Variants in IL15 observed in about 807,000 individuals in gnomAD.
IL15 encodes the protein interleukin-15.
A neutral mutation model predicts 19.6 loss-of-function variants in IL15; 11 were observed. The observed-to-expected ratio is 0.56, with a 90% CI of 0.35 to 0.93. The LOEUF (loss-of-function observed/expected upper bound fraction) is 0.93. Ranked by LOEUF, IL15 falls within the 40% of genes least tolerant of loss-of-function variation. The pLI is 0.01. For synonymous variants in IL15, 58 were observed against 59.6 expected (o/e 0.97, Z 0.12); for missense variants, 197 against 186.5 (o/e 1.06, Z -0.33).
chr4:141,717,164 G>A (rs1320345168), intron 2 of IL15: 4 of 152,152 alleles, frequency 2.6e-5, no homozygotes, highest in African/African-American at 4.8e-5. Context: ...TGACTTTTGA[G>A]CCTACTAGGA....
Position 141,691,207 on chromosome 4 carries a change from A to G in IL15, c.-99-28159A>G, listed in dbSNP as rs549219670. Among the ~76,000 whole-genome samples, 26 of 59,816 alleles carry G rather than the reference A, an allele frequency of 4.3e-4. 1 individual carries two copies. The South Asian group carries it at 0.011, about 26-fold the overall frequency. 39.2% of individuals were successfully genotyped at this position (59,816 alleles called of 152,430 possible). ...CATATCTCATGAGAATTCCATCACTATCATGAGAACAGCATGGGGGAAATT... is the reference window on the plus strand; with the variant it reads ...CATATCTCATGAGAATTCCATCACTGTCATGAGAACAGCATGGGGGAAATT... On this transcript the variant is annotated intron_variant, in intron 2 of 7. Coordinates refer to ENST00000320650, the MANE Select transcript of IL15 (RefSeq NM_000585.5).
chr4:141,657,768 G>A (rs1188549465), intron 2 of IL15, among the ~76,000 whole-genome samples: 2 of 152,044 alleles, frequency 1.3e-5, no homozygotes, highest in African/African-American at 2.4e-5. Flanking sequence ...TGATGTCAAT[G>A]CCCTCTTCTG....
At chr4:141,671,560 A>G (rs548438276) in intron 2 of IL15, among the ~76,000 whole-genome samples, 59 of 152,084 alleles carry the variant, frequency 3.9e-4, no homozygotes, top group Non-Finnish European at 6.5e-4. Flanking sequence ...CTCATTCGAT[A>G]TCTCCTCACT....
At chr4:141,701,948 C>G (rs776085149) in intron 2 of IL15, among the ~76,000 whole-genome samples, 1 of 152,186 alleles carries the variant, frequency 6.6e-6, no homozygotes, top group South Asian at 2.1e-4. Flanking sequence ...AGTACTCCCC[C>G]TGTTGGGCTG....
At chr4:141,700,036 A>T (rs913880708) in intron 2 of IL15, among the ~76,000 whole-genome samples, 2 of 152,062 alleles carry the variant, frequency 1.3e-5, no homozygotes, top group African/African-American at 4.8e-5. Flanking sequence ...CTCCTGCCTC[A>T]GTCTCCTGAG....
chr4:141,673,286 A>G (rs532488071), intron 2 of IL15, among the ~76,000 whole-genome samples: 1 of 152,352 alleles, frequency 6.6e-6, no homozygotes, highest in South Asian at 2.1e-4. Context: ...ACAATGACCT[A>G]TCTTTTCATT....
chr4:141,640,581 CA>C (rs111358159), intron 1 of IL15, among the ~76,000 whole-genome samples: 1,546 of 145,910 alleles, frequency 0.011, 25 homozygotes, highest in African/African-American at 0.036. Context: ...TTTAAACAAA[CA>C]AAAAAAAAAG....
chr4:141,707,915 G>A (rs1208910127), intron 2 of IL15, among the ~76,000 whole-genome samples: 1 of 152,200 alleles, frequency 6.6e-6, no homozygotes, highest in African/African-American at 2.4e-5. Flanking sequence ...CAGTGAGGCA[G>A]GGCAGCCACC....
chr4:141,703,340 A>G (rs1451666563), intron 2 of IL15, among the ~76,000 whole-genome samples: 2 of 152,018 alleles, frequency 1.3e-5, no homozygotes, highest in African/African-American at 4.8e-5. Flanking sequence ...AGCTTCTTTT[A>G]CCCTGTGACC....
chr4:141,720,453 T>C lies in IL15; in HGVS notation c.13-16T>C, dbSNP rs771725599. ...ACTAAAAAATTTAACCATTTGTCTA[T>C]GATTATATTTTTCAGAAACCACATT... On this transcript the variant is annotated splice_polypyrimidine_tract_variant and intron_variant, in intron 3 of 7. Transcript: ENST00000320650. 1 of 1,326,368 alleles carries C rather than the reference T, an allele frequency of 7.5e-7. No individual in the cohort carries two copies. The highest frequency in any genetic ancestry group is 1.1e-6 in the Non-Finnish European group (1 of 922,824). 82.2% of individuals were successfully genotyped at this position (1,326,368 alleles called of 1,614,324 possible).
intron 2 of IL15, among the ~76,000 whole-genome samples, chr4:141,695,309 A>C (rs1729057131): frequency 3.5e-5 from 4 of 113,754 alleles, no homozygotes; most frequent in Non-Finnish European, 5.1e-5. Context: ...TTAAGATTCC[A>C]CATATGAGTG....
intron 2 of IL15, among the ~76,000 whole-genome samples, chr4:141,668,252 C>T (rs1728056726): frequency 6.6e-6 from 1 of 152,200 alleles, no homozygotes; most frequent in Non-Finnish European, 1.5e-5. Context: ...TTGAGAGAGA[C>T]ACTGCAGCTC....
chr4:141,686,229 T>C (rs1036449411), intron 2 of IL15, among the ~76,000 whole-genome samples: 2 of 151,646 alleles, frequency 1.3e-5, no homozygotes, highest in African/African-American at 4.8e-5. Flanking sequence ...CCATAGGCAG[T>C]GGTTGCAGTA....
intron 1 of IL15, among the ~76,000 whole-genome samples, chr4:141,645,253 G>A (rs144267778): frequency 1.0e-3 from 156 of 152,236 alleles, no homozygotes; most frequent in African/African-American, 3.6e-3. Context: ...AGGTGCCATA[G>A]AAACCCTTAC....
chr4:141,703,736 G>GAAAA (rs569683867), intron 2 of IL15, among the ~76,000 whole-genome samples: 1 of 92,798 alleles, frequency 1.1e-5, no homozygotes, highest in Non-Finnish European at 2.1e-5. Flanking sequence ...CTGCTATCTT[G>GAAAA]AAAAAAAAAA....
intron 2 of IL15, chr4:141,715,451 C>T (rs1366771535): frequency 6.6e-6 from 1 of 152,198 alleles, no homozygotes; most frequent in Non-Finnish European, 1.5e-5. Flanking sequence ...CAACCTCACC[C>T]TTCTTACCTT....
At chr4:141,697,487 A>C (rs1012016834) in intron 2 of IL15, among the ~76,000 whole-genome samples, 1 of 151,976 alleles carries the variant, frequency 6.6e-6, no homozygotes, top group Non-Finnish European at 1.5e-5. Context: ...TGCTTTTGCT[A>C]TGTGGGTTCC....
At chr4:141,665,407 C>G (rs1287893705) in intron 2 of IL15, among the ~76,000 whole-genome samples, 1 of 151,968 alleles carries the variant, frequency 6.6e-6, no homozygotes, top group African/African-American at 2.4e-5. Context: ...TATTTTATGA[C>G]CTAGTATTTA....
chr4:141,672,588 A>C (rs1728210467), intron 2 of IL15, among the ~76,000 whole-genome samples: 1 of 152,226 alleles, frequency 6.6e-6, no homozygotes, highest in Non-Finnish European at 1.5e-5. Flanking sequence ...TGTGTGCTAA[A>C]GCAGAAAACA....
Sources: gnomAD v4.1 joint callset for allele counts (sites outside exome capture counted in the v4.1 genomes callset) on GRCh38, gnomAD v4.1.1 for gene constraint, MANE v1.5 for transcripts, NCBI Gene and HGNC (gene_info 2026-07-23, HGNC 2026-07-21) for gene names.